Variants in FRK observed in about 807,000 individuals in gnomAD.
FRK encodes the protein tyrosine-protein kinase FRK.
A neutral mutation model predicts 56.4 loss-of-function variants in FRK; 51 were observed. The ratio of observed to expected loss-of-function variants is 0.90; its 90% confidence interval spans 0.72 to 1.14. The LOEUF (loss-of-function observed/expected upper bound fraction) is 1.14. FRK is among the 50% of genes most tolerant of loss of function. The pLI is 0.00. For synonymous variants in FRK, 245 were observed against 217.9 expected (o/e 1.12, Z -1.10); for missense variants, 570 against 601.4 (o/e 0.95, Z 0.55).
intron 2 of FRK, among the ~76,000 whole-genome samples, chr6:115,995,547 AAAG>A (rs1234272095): frequency 5.9e-5 from 9 of 152,134 alleles, no homozygotes; most frequent in African/African-American, 2.2e-4. Flanking sequence ...AAGGTAAGCA[AAAG>A]AAGAAAAGAA....
chr6:115,943,521 T>A lies in FRK; in HGVS notation c.1141-336A>T, dbSNP rs898915794. Among the ~76,000 whole-genome samples the A allele has an allele frequency of 8.0e-5, 12 of 150,182 alleles. No homozygotes were observed. In the East Asian group the frequency reaches 2.0e-3, roughly 24 times the overall value. On this transcript the variant is annotated intron_variant, in intron 6 of 7. Coordinates refer to ENST00000606080, the MANE Select transcript of FRK (RefSeq NM_002031.3). Reference sequence around the variant, plus strand: ...AAAAAAAAAAAAAGGAAGCAAAGTCTATTGTTTGATTTACTGATGATATTG... The same window carrying A: ...AAAAAAAAAAAAAGGAAGCAAAGTCAATTGTTTGATTTACTGATGATATTG...
intron 1 of FRK, among the ~76,000 whole-genome samples, chr6:116,048,227 A>G (rs1002498161): frequency 6.6e-6 from 1 of 152,176 alleles, no homozygotes; most frequent in Non-Finnish European, 1.5e-5. Flanking sequence ...TCCTTTGGAC[A>G]TTTTCACTGA....
the FRK span, among the ~76,000 whole-genome samples, chr6:116,073,611 A>G: frequency 1.3e-5 from 2 of 152,238 alleles, no homozygotes; most frequent in East Asian, 1.9e-4. Flanking sequence ...ATGAATAGGG[A>G]AGCAGCAGGT....
At chr6:115,991,840 G>T (rs1279088179) in intron 2 of FRK, among the ~76,000 whole-genome samples, 3 of 151,628 alleles carry the variant, frequency 2.0e-5, no homozygotes, top group African/African-American at 7.2e-5. Flanking sequence ...GCTGCAGTAA[G>T]ATTGATGCTA....
chr6:116,024,703 G>A (rs1450713686), intron 1 of FRK, among the ~76,000 whole-genome samples: 3 of 152,052 alleles, frequency 2.0e-5, no homozygotes, highest in Non-Finnish European at 4.4e-5. Flanking sequence ...CTTTGCTATT[G>A]TGAACAGTGC....
intron 6 of FRK, 123 bp downstream of exon 6, chr6:115,944,121 T>C (rs987658466): frequency 1.9e-5 from 13 of 684,928 alleles, no homozygotes. Context: ...ACTACTGAAG[T>C]AGTTTATGGA....
chr6:116,025,047 G>C (rs1024824018), intron 1 of FRK, among the ~76,000 whole-genome samples: 1 of 151,914 alleles, frequency 6.6e-6, no homozygotes, highest in Non-Finnish European at 1.5e-5. Context: ...TGTGTTTTTT[G>C]GCTGCATAAA....
the FRK span, among the ~76,000 whole-genome samples, chr6:116,088,401 C>G: frequency 6.6e-6 from 1 of 152,212 alleles, no homozygotes. Context: ...CAAGCTAACC[C>G]TGGAAGAAGA....
chr6:116,096,124 G>A, the FRK span, among the ~76,000 whole-genome samples: 1 of 152,196 alleles, frequency 6.6e-6, no homozygotes, highest in Non-Finnish European at 1.5e-5. Flanking sequence ...CCACAAATGA[G>A]CTCAACTAAC....
At chr6:116,006,965 C>A (rs12190737) in intron 1 of FRK, among the ~76,000 whole-genome samples, 59,042 of 151,990 alleles carry the variant, frequency 0.39, 11,841 homozygotes, top group Middle Eastern at 0.5. Flanking sequence ...AAAACTGTAC[C>A]TAATTTTTAT....
At chr6:115,947,865 T>C (rs1176821793) in intron 5 of FRK, among the ~76,000 whole-genome samples, 1 of 152,146 alleles carries the variant, frequency 6.6e-6, no homozygotes, top group Non-Finnish European at 1.5e-5. Context: ...GATATCAAAT[T>C]CACTCAATAA....
At chr6:115,954,098 T>G (rs887447217) in intron 5 of FRK, among the ~76,000 whole-genome samples, 3 of 151,826 alleles carry the variant, frequency 2.0e-5, no homozygotes, top group Non-Finnish European at 4.4e-5. Context: ...TAAGTAGAGA[T>G]TTTGAGGAAA....
chr6:115,978,381 A>T (rs1774063427), intron 2 of FRK, among the ~76,000 whole-genome samples: 1 of 152,216 alleles, frequency 6.6e-6, no homozygotes, highest in Non-Finnish European at 1.5e-5. Context: ...TGAAGGAAAT[A>T]AGACAAAAGG....
upstream of FRK, among the ~76,000 whole-genome samples, chr6:116,064,763 C>A (rs954704268): frequency 1.3e-5 from 2 of 152,176 alleles, no homozygotes; most frequent in Non-Finnish European, 2.9e-5. Context: ...TACACAATAA[C>A]CTTCAACAGA....
intron 2 of FRK, among the ~76,000 whole-genome samples, chr6:115,975,323 T>C (rs980004526): frequency 1.3e-5 from 2 of 152,288 alleles, no homozygotes; most frequent in African/African-American, 2.4e-5. Flanking sequence ...CTGGAAGATA[T>C]GTATTATTTA....
intron 1 of FRK, among the ~76,000 whole-genome samples, chr6:116,047,419 A>T (rs1211438044): frequency 1.4e-5 from 2 of 145,452 alleles, no homozygotes; most frequent in African/African-American, 2.6e-5. Flanking sequence ...TTTAATTGAG[A>T]TGGAGTCTTG....
intron 2 of FRK, among the ~76,000 whole-genome samples, chr6:115,987,101 A>G (rs969119982): frequency 2.0e-5 from 3 of 152,082 alleles, no homozygotes; most frequent in East Asian, 1.9e-4. Flanking sequence ...GACAAGCTCT[A>G]TGAAGGTTCT....
the FRK span, among the ~76,000 whole-genome samples, chr6:116,084,180 C>G: frequency 6.6e-6 from 1 of 152,120 alleles, no homozygotes. Context: ...TTTCTTTAGG[C>G]AGGATCAGTT....
At chr6:116,049,407 TC>T (rs1397386953) in intron 1 of FRK, among the ~76,000 whole-genome samples, 1 of 152,224 alleles carries the variant, frequency 6.6e-6, no homozygotes, top group Admixed American at 6.5e-5. Flanking sequence ...AGACAGTCTT[TC>T]TGCTCCAGGA....
Sources: gnomAD v4.1 joint callset for allele counts (sites outside exome capture counted in the v4.1 genomes callset) on GRCh38, gnomAD v4.1.1 for gene constraint, MANE v1.5 for transcripts, NCBI Gene and HGNC (gene_info 2026-07-23, HGNC 2026-07-21) for gene names.